Variants in ALX4 observed in about 807,000 individuals in gnomAD.
ALX4 encodes the protein ALX homeobox 4, also known as homeobox protein aristaless-like 4.
A neutral mutation model predicts 40.6 loss-of-function variants in ALX4; 22 were observed. That is an observed-to-expected ratio of 0.54 (90% CI 0.39 to 0.77). ALX4 has a LOEUF of 0.77. Ranked by LOEUF, ALX4 falls within the 30% of genes least tolerant of loss-of-function variation. ALX4 has a pLI of 0.00. For synonymous variants in ALX4, 266 were observed against 240.5 expected, an observed-to-expected ratio of 1.11 and a Z score of -0.98; for missense variants, 556 against 564.8, an observed-to-expected ratio of 0.98 and a Z score of 0.16.
intron 1 of ALX4, among the ~76,000 whole-genome samples, chr11:44,283,610 G>C (rs1956322068): frequency 6.6e-6 from 1 of 152,156 alleles, no homozygotes. Context: ...TGCCACCCAG[G>C]CTGGAGTGCA....
intron 2 of ALX4, among the ~76,000 whole-genome samples, chr11:44,273,271 A>G (rs1956259679): frequency 6.6e-6 from 1 of 151,738 alleles, no homozygotes; most frequent in African/African-American, 2.4e-5. Context: ...AAAAACTGCT[A>G]TGTGGCAACG....
chr11:44,306,129 A>C (rs1474082035), intron 1 of ALX4, among the ~76,000 whole-genome samples: 1 of 152,164 alleles, frequency 6.6e-6, no homozygotes, highest in Admixed American at 6.5e-5. Flanking sequence ...GGAGGGGAGA[A>C]TGGTGAAGTC....
At chr11:44,267,412 T>G in intron 3 of ALX4, 82 bp downstream of exon 3, 18 of 1,566,850 alleles carry the variant, frequency 1.1e-5, no homozygotes, top group South Asian at 3.4e-5. Context: ...CATCTCGGGG[T>G]GCCTGGGCTC....
chr11:44,265,835 G>A (rs1054038593), intron 3 of ALX4, among the ~76,000 whole-genome samples: 6 of 152,158 alleles, frequency 3.9e-5, no homozygotes, highest in African/African-American at 7.2e-5. Context: ...CCAAAGGGGC[G>A]AGGGCATGTG....
At chr11:44,271,515 T>C (rs1159056524) in intron 2 of ALX4, among the ~76,000 whole-genome samples, 5 of 152,244 alleles carry the variant, frequency 3.3e-5, no homozygotes, top group Non-Finnish European at 7.3e-5. Context: ...GAGTTTCCCT[T>C]TCTGCCTTGG....
At chr11:44,269,649 C>T (rs948717315) in intron 2 of ALX4, among the ~76,000 whole-genome samples, 2 of 152,196 alleles carry the variant, frequency 1.3e-5, no homozygotes, top group Non-Finnish European at 1.5e-5. Flanking sequence ...GCCCTGGCCT[C>T]CCAGGGCCCC....
chr11:44,304,954 G>C (rs1283401531), intron 1 of ALX4, among the ~76,000 whole-genome samples: 1 of 152,252 alleles, frequency 6.6e-6, no homozygotes, highest in Non-Finnish European at 1.5e-5. Flanking sequence ...CTTCGCATTA[G>C]AATCGGGACC....
rs1346024468 is a variant in ALX4 at position 44,273,146 on chromosome 11, C to G, written c.777+2202G>C. ...CAGGGTTGGGGCATCTCTGTCCTAA[C>G]ATTGAAGGGCTCAGCCCACTGAGCT... On this transcript the variant is annotated intron_variant, in intron 2 of 3. Transcript: ENST00000652299. Among the ~76,000 whole-genome samples the G allele has an allele frequency of 3.5e-5, 5 of 142,908 alleles. No individual in the cohort carries two copies. In the South Asian group the frequency reaches 1.1e-3, roughly 31 times the overall value. 93.8% of individuals were successfully genotyped at this position (142,908 alleles called of 152,430 possible).
At chr11:44,265,223 G>C in intron 3 of ALX4, 40 bp from the exon 4 acceptor site, 1 of 1,550,884 alleles carries the variant, frequency 6.4e-7, no homozygotes, top group Non-Finnish European at 8.7e-7. Flanking sequence ...CTGGCGGGCA[G>C]GTGTGGTGTG....
Position 44,261,344 on chromosome 11 carries a change from G to A in ALX4, c.*3510C>T, listed in dbSNP as rs1174767691. 6.6e-6 allele frequency: 1 copy of A among 152,212 alleles called. No homozygotes were observed. The highest frequency in any genetic ancestry group is 1.9e-4 in the East Asian group (1 of 5,184). The allele number at this position is 152,212 out of a possible 1,614,324, so 9.4% of individuals were successfully genotyped here. On this transcript the variant is annotated 3_prime_UTR_variant, in exon 4 of 4. Coordinates refer to ENST00000652299, the MANE Select transcript of ALX4 (RefSeq NM_021926.4). The stretch of plus-strand genomic sequence containing the variant: ...TGCCCAGCCGAAATGACAGGAGATG[G>A]GGCACGGAGCTGGGTCCAGTGTGAT...
chr11:44,273,560 GT>G (rs1956261011), intron 2 of ALX4, among the ~76,000 whole-genome samples: 1 of 152,194 alleles, frequency 6.6e-6, no homozygotes, highest in Non-Finnish European at 1.5e-5. Flanking sequence ...TGGGAATACA[GT>G]GATGAACAAT....
intron 1 of ALX4, among the ~76,000 whole-genome samples, chr11:44,297,397 CAA>C (rs1228384548): frequency 1.3e-5 from 2 of 152,118 alleles, no homozygotes. Context: ...GTGGCTTCCC[CAA>C]AGTCTGAACC....
chr11:44,286,511 T>C (rs58542799), intron 1 of ALX4, among the ~76,000 whole-genome samples: 4,090 of 152,156 alleles, frequency 0.027, 178 homozygotes, highest in African/African-American at 0.094. Context: ...GCAGTTCCAA[T>C]AAAGTCACTG....
chr11:44,300,934 G>A (rs562722334), intron 1 of ALX4, among the ~76,000 whole-genome samples: 7 of 152,300 alleles, frequency 4.6e-5, no homozygotes, highest in South Asian at 2.1e-4. Context: ...CCCTGGTGGC[G>A]CCTGCACGCC....
At position 44,264,300 on chromosome 11, in the gene ALX4, T is replaced by G; in HGVS notation, c.*554A>C. The G allele has an allele frequency of 1.3e-5, 2 of 159,076 alleles. No homozygotes were observed. The highest frequency in any genetic ancestry group is 2.8e-5 in the Non-Finnish European group (2 of 72,722). 9.9% of individuals were successfully genotyped at this position (159,076 alleles called of 1,614,324 possible). A position where few individuals can be genotyped will look rare whatever the true frequency, so the allele number is the denominator to read the frequency against. ...AGACTCGTCACTGTTCGGGGGGAGG[T>G]GGAGGCTGGCGCCTTGGCCCCAGCA... On this transcript the variant is annotated 3_prime_UTR_variant, in exon 4 of 4. Transcript: ENST00000652299.
chr11:44,291,573 T>A (rs1956369519), intron 1 of ALX4, among the ~76,000 whole-genome samples: 2 of 152,030 alleles, frequency 1.3e-5, no homozygotes, highest in Admixed American at 1.3e-4. Context: ...CACACCTGGC[T>A]TTTTGTGTTT....
rs1218321895 is a variant in ALX4, at chr11:44,265,155, T to C, written c.935A>G (p.Asn312Ser). ...GGCTGGCACTGGTGAGGCAGCCCCG[T>C]TGTTGCCGAGCCAGGACGGGTTCTG... is the stretch of plus-strand genomic sequence containing the variant. ...QIQNPSWLGNNGAASPVPACV... is the reference protein window; with the variant it reads ...QIQNPSWLGNSGAASPVPACV... The change falls in exon 4 of 4, where the codon AAC becomes AGC. Residue 312 changes from asparagine to serine, a missense_variant. Transcript: ENST00000652299. 3.1e-6 allele frequency: 5 copies of C among 1,605,708 alleles called. No homozygotes were observed. Among genetic ancestry groups the C allele is most frequent in the Non-Finnish European group, 4.3e-6 (5 of 1,175,014 alleles).
At chr11:44,286,170 G>A (rs1004017088) in intron 1 of ALX4, among the ~76,000 whole-genome samples, 5 of 152,200 alleles carry the variant, frequency 3.3e-5, no homozygotes, top group African/African-American at 7.2e-5. Flanking sequence ...GCATGGAGTC[G>A]GAAGAAGGGA....
intron 3 of ALX4, among the ~76,000 whole-genome samples, chr11:44,266,617 A>T (rs78742223): frequency 0.19 from 29,041 of 152,112 alleles, 3,066 homozygotes; most frequent in Non-Finnish European, 0.23. Flanking sequence ...GCTGCTGAGC[A>T]GGGCCAGGTT....
Sources: allele counts gnomAD v4.1 joint callset (sites outside exome capture counted in the v4.1 genomes callset), GRCh38; gene constraint gnomAD v4.1.1; transcripts MANE v1.5; gene names NCBI Gene and HGNC (gene_info 2026-07-23, HGNC 2026-07-21).